BEND7: variants seen among roughly 807,000 people sequenced by gnomAD.
The protein encoded by BEND7 is BEN domain containing 7.
In BEND7, 28 loss-of-function variants were observed where a neutral mutation model predicts 50.9. That is an observed-to-expected ratio of 0.55 (90% CI 0.41 to 0.75). The LOEUF is 0.75. Ranked by LOEUF, BEND7 falls within the 30% of genes least tolerant of loss-of-function variation. The probability of loss-of-function intolerance (pLI) is 0.00; values close to 1 mark genes in which losing one functional copy is unlikely to be tolerated. For synonymous variants in BEND7, 170 were observed against 183.9 expected (o/e 0.92, Z 0.61); for missense variants, 477 against 491.3 (o/e 0.97, Z 0.28).
Position 13,492,796 on chromosome 10 carries a change from T to C in BEND7, c.652A>G (p.Lys218Glu), listed in dbSNP as rs761296722. 1 of 1,608,522 alleles carries C rather than the reference T, an allele frequency of 6.2e-7. No individual in the cohort carries two copies. The highest frequency in any genetic ancestry group is 8.5e-7 in the Non-Finnish European group (1 of 1,178,868). The change falls in exon 5 of 9, where the codon AAG becomes GAG. Residue 218 changes from lysine (K) to glutamate (E), a missense_variant. Coordinates refer to ENST00000466271, the MANE Select transcript of BEND7 (RefSeq NM_001369863.1). ...RTAVSRKRNK[K>E]KKVPPKTVEP... The stretch of plus-strand genomic sequence containing the variant: ...ACAGTCTTTGGGGGCACTTTTTTCT[T>C]TTTATTTCTCTTTCGTGAGACAGCA...
At chr10:13,527,531 G>C (rs1441342336) in intron 1 of BEND7, among the ~76,000 whole-genome samples, 1 of 152,156 alleles carries the variant, frequency 6.6e-6, no homozygotes, top group East Asian at 1.9e-4. Context: ...TAGAGAAAAC[G>C]ACAGAGGAAA....
At chr10:13,447,422 T>A in intron 7 of BEND7, 106 bp from the exon 8 acceptor site, 1 of 1,086,994 alleles carries the variant, frequency 9.2e-7, no homozygotes. Flanking sequence ...ACATAACTGT[T>A]TTCACCATTC....
chr10:13,507,540 T>C lies in BEND7; in HGVS notation c.146-7460A>G, dbSNP rs2077984857. ...GGAACAAGGAAAGATGAAGGGGGGCTGGGTTCTTTCACTAATAAATGGCCA... is the reference window on the plus strand; with the variant it reads ...GGAACAAGGAAAGATGAAGGGGGGCCGGGTTCTTTCACTAATAAATGGCCA... On this transcript the variant is annotated intron_variant, in intron 2 of 8. Transcript: ENST00000466271. 3.3e-5 allele frequency among the ~76,000 whole-genome samples: 5 copies of C among 152,216 alleles called. No homozygotes were observed. In the South Asian group the frequency reaches 1.0e-3, roughly 32 times the overall value.
At chr10:13,439,178 A>G (rs138637203), downstream of BEND7, 72 of 1,609,676 alleles carry the variant, frequency 4.5e-5, 1 homozygote, top group African/African-American at 8.9e-4. Context: ...AATTTCAGAG[A>G]GAGAGGCAAG....
intron 1 of BEND7, among the ~76,000 whole-genome samples, chr10:13,527,306 A>G (rs1167917596): frequency 6.6e-6 from 1 of 152,260 alleles, no homozygotes; most frequent in Non-Finnish European, 1.5e-5. Context: ...TTCATTAAAC[A>G]GTATCCAAAC....
chr10:13,514,458 C>T (rs1412352879), intron 2 of BEND7, among the ~76,000 whole-genome samples: 1 of 152,138 alleles, frequency 6.6e-6, no homozygotes, highest in African/African-American at 2.4e-5. Flanking sequence ...AAGCCTTCCC[C>T]GAGGGACATG....
chr10:13,478,321 C>T (rs1471492875), intron 6 of BEND7, among the ~76,000 whole-genome samples: 1 of 152,134 alleles, frequency 6.6e-6, no homozygotes, highest in Non-Finnish European at 1.5e-5. Flanking sequence ...CAGAGAGAAC[C>T]CCTCCCTGCA....
chr10:13,460,633 C>T (rs1588701200), intron 6 of BEND7, among the ~76,000 whole-genome samples: 1 of 152,200 alleles, frequency 6.6e-6, no homozygotes, highest in Admixed American at 6.5e-5. Context: ...GCACCACTGG[C>T]CTTTGTGCAC....
At chr10:13,508,926 C>G (rs1206448290) in intron 2 of BEND7, among the ~76,000 whole-genome samples, 3 of 152,202 alleles carry the variant, frequency 2.0e-5, no homozygotes, top group South Asian at 2.1e-4. Flanking sequence ...GACAGGAGCA[C>G]TTTGTAATCA....
intron 6 of BEND7, among the ~76,000 whole-genome samples, chr10:13,470,365 C>G (rs750385042): frequency 1.2e-4 from 19 of 152,244 alleles, no homozygotes; most frequent in Admixed American, 7.8e-4. Context: ...GCACATTCTA[C>G]TGTAGTGGCC....
At chr10:13,519,291 T>C (rs2078917515) in intron 2 of BEND7, among the ~76,000 whole-genome samples, 2 of 152,028 alleles carry the variant, frequency 1.3e-5, no homozygotes, top group South Asian at 4.2e-4. Flanking sequence ...GCTAACATGG[T>C]GAAACCCCGT....
At chr10:13,491,312 A>G (rs1010180382) in intron 5 of BEND7, among the ~76,000 whole-genome samples, 2 of 124,628 alleles carry the variant, frequency 1.6e-5, no homozygotes, top group African/African-American at 7.2e-5. Flanking sequence ...GACTCTGTCT[A>G]AAAAAAAAAA....
At chr10:13,456,004 G>A (rs1462247078) in intron 6 of BEND7, among the ~76,000 whole-genome samples, 1 of 152,162 alleles carries the variant, frequency 6.6e-6, no homozygotes, top group Non-Finnish European at 1.5e-5. Flanking sequence ...TAGGACACGG[G>A]ATGGTAGGGC....
Position 13,450,707 on chromosome 10 carries a change from A to C in BEND7, c.1183+1832T>G, listed in dbSNP as rs1293821806. Among the ~76,000 whole-genome samples, 4 of 152,240 alleles carry C rather than the reference A, an allele frequency of 2.6e-5. No homozygotes were observed. In the East Asian group the frequency reaches 7.7e-4, roughly 29 times the overall value. On this transcript the variant is annotated intron_variant, in intron 7 of 8. Coordinates refer to ENST00000466271, the MANE Select transcript of BEND7 (RefSeq NM_001369863.1). ...ATCTAAACCAGTGGTCAAAAGTTAC[A>C]ATGTCCAACATCAAATATTCTGATG... is the stretch of plus-strand genomic sequence containing the variant.
At chr10:13,482,218 G>A (rs1260031370) in intron 5 of BEND7, among the ~76,000 whole-genome samples, 4 of 152,190 alleles carry the variant, frequency 2.6e-5, no homozygotes, top group Admixed American at 1.3e-4. Flanking sequence ...TGGAATAGAC[G>A]AAAGTTCATT....
intron 6 of BEND7, among the ~76,000 whole-genome samples, chr10:13,456,994 C>T (rs944823287): frequency 6.6e-6 from 1 of 152,050 alleles, no homozygotes; most frequent in Non-Finnish European, 1.5e-5. Context: ...ATAAATAGAA[C>T]AAAATATTTC....
chr10:13,475,885 A>G (rs1213451823), intron 6 of BEND7, among the ~76,000 whole-genome samples: 1 of 152,176 alleles, frequency 6.6e-6, no homozygotes, highest in Non-Finnish European at 1.5e-5. Flanking sequence ...AGGGTTACTT[A>G]ATTTCTCATA....
intron 2 of BEND7, among the ~76,000 whole-genome samples, chr10:13,508,977 C>T (rs899464075): frequency 6.6e-6 from 1 of 152,156 alleles, no homozygotes; most frequent in Non-Finnish European, 1.5e-5. Flanking sequence ...CAAGAAGGAA[C>T]GCCAAGGATC....
intron 2 of BEND7, among the ~76,000 whole-genome samples, chr10:13,506,373 C>A (rs139956740): frequency 5.9e-5 from 9 of 152,274 alleles, no homozygotes; most frequent in African/African-American, 1.9e-4. Context: ...TCTTTTAACC[C>A]CTGGAAGAAG....
Sources: allele counts gnomAD v4.1 joint callset (sites outside exome capture counted in the v4.1 genomes callset), GRCh38; gene constraint gnomAD v4.1.1; transcripts MANE v1.5; gene names NCBI Gene and HGNC (gene_info 2026-07-23, HGNC 2026-07-21).